Variants in WSCD2 observed in about 807,000 individuals in gnomAD.
The protein encoded by WSCD2 is sialate:O-sulfotransferase 2.
A neutral mutation model predicts 55.7 loss-of-function variants in WSCD2; 28 were observed. The ratio of observed to expected loss-of-function variants is 0.50; its 90% CI spans 0.37 to 0.69. The LOEUF is 0.69. Among genes scored for constraint, WSCD2 ranks in the 30% least tolerant of loss-of-function variants. WSCD2 has a pLI of 0.00. For missense variants in WSCD2, 616 were observed against 762.1 expected (o/e 0.81, Z 2.26); for synonymous variants, 301 against 301.9 (o/e 1.00, Z 0.03).
intron 8 of WSCD2, among the ~76,000 whole-genome samples, chr12:108,241,032 G>A (rs1889702535): frequency 6.6e-6 from 1 of 152,142 alleles, no homozygotes; most frequent in Non-Finnish European, 1.5e-5. Flanking sequence ...CCCCACCCTG[G>A]GAGTCGAGAG....
At chr12:108,240,685 C>T (rs993902426) in intron 8 of WSCD2, 141 bp downstream of exon 8, 5 of 995,364 alleles carry the variant, frequency 5.0e-6, no homozygotes, top group South Asian at 3.3e-5. Flanking sequence ...TCCTGGAGGG[C>T]GCGTGTCATG....
intron 8 of WSCD2, among the ~76,000 whole-genome samples, chr12:108,244,899 T>C (rs1313039396): frequency 6.6e-6 from 1 of 152,034 alleles, no homozygotes; most frequent in Non-Finnish European, 1.5e-5. Flanking sequence ...AGTGCAGGTT[T>C]CTTAATATAT....
intron 7 of WSCD2, among the ~76,000 whole-genome samples, chr12:108,238,564 T>C (rs1179881836): frequency 1.3e-5 from 2 of 152,238 alleles, no homozygotes; most frequent in African/African-American, 4.8e-5. Flanking sequence ...CTAAGTCTTA[T>C]TCTGCATTAG....
chr12:108,164,636 T>C (rs1289419458), intron 1 of WSCD2, among the ~76,000 whole-genome samples: 1 of 152,170 alleles, frequency 6.6e-6, no homozygotes, highest in Non-Finnish European at 1.5e-5. Flanking sequence ...TGTAGGTGTA[T>C]ACCCAGGAGT....
intron 1 of WSCD2, among the ~76,000 whole-genome samples, chr12:108,130,732 T>C (rs1428622603): frequency 6.6e-6 from 1 of 152,052 alleles, no homozygotes; most frequent in Non-Finnish European, 1.5e-5. Context: ...TCCTGGCTGC[T>C]CAATGAGACC....
intron 2 of WSCD2, among the ~76,000 whole-genome samples, chr12:108,203,063 A>G (rs891177361): frequency 6.6e-6 from 1 of 152,212 alleles, no homozygotes; most frequent in Non-Finnish European, 1.5e-5. Context: ...TTGAATAGAC[A>G]GACCTGGACA....
intron 1 of WSCD2, among the ~76,000 whole-genome samples, chr12:108,185,111 T>C (rs2114284): frequency 0.77 from 117,033 of 152,122 alleles, 45,702 homozygotes; most frequent in East Asian, 0.91. Context: ...GGGCCACATT[T>C]CCCTGAGCCC....
Position 108,214,657 on chromosome 12 carries a change from G to A in WSCD2, c.682+4352G>A, listed in dbSNP as rs150777979. ...TTTGGGTTGCAAAGTTCATCAGAACGGGGCTCCTGAGTCCCAAGGGTGGCT... is the reference window on the plus strand; with the variant it reads ...TTTGGGTTGCAAAGTTCATCAGAACAGGGCTCCTGAGTCCCAAGGGTGGCT... On this transcript the variant is annotated intron_variant, in intron 4 of 8. Coordinates refer to ENST00000547525, the MANE Select transcript of WSCD2 (RefSeq NM_014653.4). Among the ~76,000 whole-genome samples, 15 of 152,266 alleles carry A rather than the reference G, an allele frequency of 9.9e-5. 1 individual carries two copies. In the East Asian group the frequency reaches 2.9e-3, roughly 29 times the overall value.
chr12:108,137,916 G>T (rs1876388128), intron 1 of WSCD2, among the ~76,000 whole-genome samples: 1 of 152,212 alleles, frequency 6.6e-6, no homozygotes, highest in African/African-American at 2.4e-5. Context: ...CTCAAGAAAT[G>T]AATATTCTTT....
At chr12:108,183,764 A>G (rs970908415) in intron 1 of WSCD2, among the ~76,000 whole-genome samples, 3 of 152,048 alleles carry the variant, frequency 2.0e-5, no homozygotes, top group Non-Finnish European at 2.9e-5. Flanking sequence ...ACAGAAAACA[A>G]TGTCACATAG....
intron 8 of WSCD2, chr12:108,244,617 T>A: frequency 7.1e-6 from 5 of 701,904 alleles, no homozygotes; most frequent in Non-Finnish European, 1.3e-5. Context: ...TGCAGATGGG[T>A]GCACTGAGGC....
chr12:108,205,174 T>C lies in WSCD2; in HGVS notation c.383-1115T>C, dbSNP rs1018186225. Among the ~76,000 whole-genome samples, 15 of 152,082 alleles carry C rather than the reference T, an allele frequency of 9.9e-5. No homozygotes were observed. The East Asian group carries it at 2.9e-3, about 29-fold the overall frequency. ...ACTTCACATGGGGGCATTACAAAGA[T>C]CCCCCAACTCAAAAAGCAAGCAGTT... On this transcript the variant is annotated intron_variant, in intron 2 of 8. Transcript: ENST00000547525.
chr12:108,192,206 T>C (rs1040871073), intron 1 of WSCD2, among the ~76,000 whole-genome samples: 3 of 152,230 alleles, frequency 2.0e-5, no homozygotes, highest in Non-Finnish European at 4.4e-5. Flanking sequence ...GCATCTCCTA[T>C]GCATCAGGTA....
Position 108,195,764 on chromosome 12 carries a change from C to A in WSCD2, c.-69C>A. On this transcript the variant is annotated 5_prime_UTR_variant, in exon 2 of 9. Coordinates refer to ENST00000547525, the MANE Select transcript of WSCD2 (RefSeq NM_014653.4). ...CATCCCTAAGGAAAGCTTGGGAAACCAAGCCCCTTCCATCCTCTCCCAAGC... is the reference window on the plus strand; with the variant it reads ...CATCCCTAAGGAAAGCTTGGGAAACAAAGCCCCTTCCATCCTCTCCCAAGC... The A allele has an allele frequency of 6.6e-7, 1 of 1,525,146 alleles. No homozygotes were observed. Among genetic ancestry groups the A allele is most frequent in the South Asian group, 1.3e-5 (1 of 76,064 alleles). The allele number at this position is 1,525,146 out of a possible 1,614,324, so 94.5% of individuals were successfully genotyped here.
At chr12:108,145,871 AG>A (rs936664996) in intron 1 of WSCD2, among the ~76,000 whole-genome samples, 19 of 152,232 alleles carry the variant, frequency 1.2e-4, no homozygotes, top group African/African-American at 4.6e-4. Flanking sequence ...CAGCTACAAA[AG>A]GGCACATACT....
At chr12:108,181,818 G>A (rs572178411) in intron 1 of WSCD2, among the ~76,000 whole-genome samples, 5 of 152,304 alleles carry the variant, frequency 3.3e-5, no homozygotes, top group South Asian at 2.1e-4. Context: ...TGATACAAAC[G>A]TGCAAATAAC....
intron 1 of WSCD2, among the ~76,000 whole-genome samples, chr12:108,141,852 A>G (rs1374599713): frequency 1.3e-5 from 2 of 152,178 alleles, no homozygotes; most frequent in Non-Finnish European, 2.9e-5. Flanking sequence ...AGTAAAGTGG[A>G]GTTGAATGAT....
intron 4 of WSCD2, among the ~76,000 whole-genome samples, chr12:108,211,184 A>T (rs1203608433): frequency 1.3e-5 from 2 of 152,184 alleles, no homozygotes; most frequent in Non-Finnish European, 2.9e-5. Context: ...ATTCCAGATG[A>T]CCTTAAGACC....
chr12:108,193,619 A>G (rs11113770), intron 1 of WSCD2, among the ~76,000 whole-genome samples: 2 of 80,198 alleles, frequency 2.5e-5, no homozygotes, highest in East Asian at 9.1e-4. Context: ...ATGGATGGAT[A>G]GATGGATGGA....
Sources: gnomAD v4.1 joint callset for allele counts (sites outside exome capture counted in the v4.1 genomes callset) on GRCh38, gnomAD v4.1.1 for gene constraint, MANE v1.5 for transcripts, NCBI Gene and HGNC (gene_info 2026-07-23, HGNC 2026-07-21) for gene names.